Variants in KANK1 observed in about 807,000 individuals in gnomAD.
KANK1 encodes KN motif and ankyrin repeat domain-containing protein 1.
KANK1 carries 109 observed loss-of-function variants against 106.2 expected under a neutral mutation model. The ratio of observed to expected loss-of-function variants is 1.03; its 90% confidence interval spans 0.88 to 1.20. The LOEUF (loss-of-function observed/expected upper bound fraction) is 1.20. Ranked by LOEUF, KANK1 falls within the 50% of genes most tolerant of loss-of-function variation. The pLI, the probability that KANK1 is intolerant of heterozygous loss-of-function variation, is 0.00. For synonymous variants in KANK1, 873 were observed against 652.2 expected (o/e 1.34, Z -5.16); for missense variants, 2,399 against 1,710.7 (o/e 1.40, Z -7.10).
chr9:594,106 T>C lies in KANK1; in HGVS notation c.-83-82784T>C, dbSNP rs140497702. Among the ~76,000 whole-genome samples the C allele has an allele frequency of 2.0e-4, 31 of 152,034 alleles. No homozygotes were observed. The East Asian group carries it at 4.1e-3, about 20-fold the overall frequency. On this transcript the variant is annotated intron_variant, in intron 1 of 11. Coordinates refer to ENST00000382297, the MANE Select transcript of KANK1 (RefSeq NM_015158.5). ...GTAAGTGATGGGGGCTGTGGACTTA[T>C]GCAGAAGTGCACTTGTTGGGGGTTT... is the stretch of plus-strand genomic sequence containing the variant.
At chr9:568,561 C>T (rs1587888150) in intron 1 of KANK1, among the ~76,000 whole-genome samples, 1 of 152,288 alleles carries the variant, frequency 6.6e-6, no homozygotes, top group East Asian at 1.9e-4. Context: ...GCAGTCATGG[C>T]ATGCTTTAAC....
chr9:576,831 T>C (rs1480414862), intron 1 of KANK1, among the ~76,000 whole-genome samples: 3 of 152,152 alleles, frequency 2.0e-5, no homozygotes, highest in African/African-American at 7.2e-5. Context: ...AACTGTTAAA[T>C]AGATTTCTAT....
chr9:537,255 T>C (rs1159056969), intron 1 of KANK1, among the ~76,000 whole-genome samples: 1 of 152,108 alleles, frequency 6.6e-6, no homozygotes, highest in African/African-American at 2.4e-5. Context: ...TCTGTGACAT[T>C]TGGTATGTTA....
chr9:745,115 A>T, intron 11 of KANK1, 58 bp from the exon 12 acceptor site: 1 of 1,599,990 alleles, frequency 6.3e-7, no homozygotes, highest in South Asian at 1.1e-5. Flanking sequence ...GTCACAGGGT[A>T]CACATCTGCC....
At chr9:646,613 A>G (rs1839725174) in intron 1 of KANK1, among the ~76,000 whole-genome samples, 1 of 150,456 alleles carries the variant, frequency 6.6e-6, no homozygotes, top group Non-Finnish European at 1.5e-5. Flanking sequence ...ATATTATTGT[A>G]TTGTGCTGTG....
chr9:626,537 G>A (rs941181745), intron 1 of KANK1, among the ~76,000 whole-genome samples: 4 of 152,084 alleles, frequency 2.6e-5, no homozygotes, highest in Non-Finnish European at 5.9e-5. Context: ...TTTTGTTTTT[G>A]TAATTTTCAC....
At chr9:528,441 A>T (rs2059903567) in intron 1 of KANK1, among the ~76,000 whole-genome samples, 1 of 140,954 alleles carries the variant, frequency 7.1e-6, no homozygotes, top group Non-Finnish European at 1.6e-5. Context: ...GCTTTACCTT[A>T]CAACCATTTT....
chr9:744,394 C>T (rs1836623190), intron 10 of KANK1, 97 bp from the exon 11 acceptor site: 2 of 1,397,830 alleles, frequency 1.4e-6, no homozygotes, highest in Non-Finnish European at 9.7e-7. Flanking sequence ...TTTGGGGAAC[C>T]TTGCCAATTA....
chr9:656,308 T>G (rs1842132816), intron 1 of KANK1, among the ~76,000 whole-genome samples: 1 of 152,192 alleles, frequency 6.6e-6, no homozygotes, highest in African/African-American at 2.4e-5. Flanking sequence ...GGAAAGAGTT[T>G]AAGTCCCGTC....
At chr9:528,555 C>T (rs987648392) in intron 1 of KANK1, among the ~76,000 whole-genome samples, 3 of 138,282 alleles carry the variant, frequency 2.2e-5, no homozygotes, top group Admixed American at 7.6e-5. Context: ...GATCTCGGCT[C>T]ACTGCAGTCT....
chr9:526,121 C>G (rs566088333), intron 1 of KANK1, among the ~76,000 whole-genome samples: 3 of 151,814 alleles, frequency 2.0e-5, no homozygotes, highest in African/African-American at 4.9e-5. Flanking sequence ...ATTTTGTGAT[C>G]TTAGTCACTT....
At chr9:634,618 A>G (rs1218249356) in intron 1 of KANK1, among the ~76,000 whole-genome samples, 1 of 152,160 alleles carries the variant, frequency 6.6e-6, no homozygotes, top group Non-Finnish European at 1.5e-5. Flanking sequence ...AGGCAGTTTC[A>G]GCACCTGAAC....
chr9:686,974 A>G lies in KANK1; in HGVS notation c.37+9965A>G, dbSNP rs184164023. On this transcript the variant is annotated intron_variant, in intron 2 of 11. Coordinates refer to ENST00000382297, the MANE Select transcript of KANK1 (RefSeq NM_015158.5). ...TTCCTCTGGGCTCTTATCCTTTGGT[A>G]TGTTGTCCCTGGATGCTTTGAGATG... The G allele has an allele frequency of 1.4e-4, 134 of 976,688 alleles. No homozygotes were observed. The South Asian group carries it at 2.1e-3, about 16-fold the overall frequency. 60.5% of individuals were successfully genotyped at this position (976,688 alleles called of 1,614,324 possible).
At chr9:718,138 G>C (rs534470819) in intron 3 of KANK1, among the ~76,000 whole-genome samples, 29 of 151,942 alleles carry the variant, frequency 1.9e-4, no homozygotes, top group Non-Finnish European at 4.0e-4. Context: ...TTAGCACTTG[G>C]CTTCTTAATC....
chr9:682,739 T>C (rs571169566), intron 2 of KANK1, among the ~76,000 whole-genome samples: 141 of 152,298 alleles, frequency 9.3e-4, no homozygotes, highest in Admixed American at 2.7e-3. Context: ...TTCATGGCTT[T>C]AGTAACTGTT....
At chr9:717,877 A>AT (rs1237141324) in intron 3 of KANK1, among the ~76,000 whole-genome samples, 4 of 152,338 alleles carry the variant, frequency 2.6e-5, no homozygotes, top group African/African-American at 9.6e-5. Flanking sequence ...TAACAGTGGA[A>AT]TTTAACTGCC....
At chr9:697,025 C>T (rs372120889) in intron 2 of KANK1, among the ~76,000 whole-genome samples, 1 of 152,140 alleles carries the variant, frequency 6.6e-6, no homozygotes, top group South Asian at 2.1e-4. Flanking sequence ...ATGTCTTCCT[C>T]ACCCAGACTC....
At chr9:566,327 A>G (rs1817799532) in intron 1 of KANK1, among the ~76,000 whole-genome samples, 1 of 152,196 alleles carries the variant, frequency 6.6e-6, no homozygotes, top group Admixed American at 6.5e-5. Flanking sequence ...ATATGTGTGC[A>G]TGCATCTTTA....
intron 1 of KANK1, among the ~76,000 whole-genome samples, chr9:616,082 G>A (rs1169658131): frequency 6.6e-6 from 1 of 152,168 alleles, no homozygotes; most frequent in African/African-American, 2.4e-5. Flanking sequence ...CCCAGCATCA[G>A]CCGAGCACCA....
Sources: allele counts gnomAD v4.1 joint callset (sites outside exome capture counted in the v4.1 genomes callset), GRCh38; gene constraint gnomAD v4.1.1; transcripts MANE v1.5; gene names NCBI Gene and HGNC (gene_info 2026-07-23, HGNC 2026-07-21).